Variants in LRIG1 observed in about 807,000 individuals in gnomAD.
LRIG1 encodes the protein leucine rich repeats and immunoglobulin like domains 1, also known as leucine-rich repeats and immunoglobulin-like domains protein 1.
LRIG1 carries 48 observed loss-of-function variants against 99.2 expected under a neutral mutation model. The observed-to-expected ratio is 0.48, with a 90% confidence interval of 0.38 to 0.62. The LOEUF (loss-of-function observed/expected upper bound fraction) is 0.62. LRIG1 is among the 20% of genes least tolerant of loss of function. The pLI, the probability that LRIG1 is intolerant of heterozygous loss-of-function variation, is 0.00. For missense variants in LRIG1, 1,646 were observed against 1,434.4 expected, an observed-to-expected ratio of 1.15 and a Z score of -2.38; for synonymous variants, 772 against 596.1, an observed-to-expected ratio of 1.29 and a Z score of -4.30.
chr3:66,389,193 C>A (rs1336051606), intron 12 of LRIG1, among the ~76,000 whole-genome samples: 2 of 151,830 alleles, frequency 1.3e-5, no homozygotes, highest in African/African-American at 4.8e-5. Flanking sequence ...AATTTTAATT[C>A]CTATGGGCAA....
intron 1 of LRIG1, among the ~76,000 whole-genome samples, chr3:66,484,550 G>C (rs1005316946): frequency 6.6e-6 from 1 of 152,166 alleles, no homozygotes; most frequent in Non-Finnish European, 1.5e-5. Context: ...AGGCGAAGAG[G>C]GAAGACCCAT....
intron 13 of LRIG1, among the ~76,000 whole-genome samples, chr3:66,385,332 CAAAG>C (rs1701320164): frequency 6.6e-6 from 1 of 152,234 alleles, no homozygotes; most frequent in South Asian, 2.1e-4. Context: ...GCCATCTACT[CAAAG>C]AACAGCAGCT....
intron 9 of LRIG1, among the ~76,000 whole-genome samples, chr3:66,399,551 T>A (rs1471312008): frequency 6.6e-6 from 1 of 152,130 alleles, no homozygotes; most frequent in African/African-American, 2.4e-5. Context: ...GGCAGGAGGA[T>A]CACTTGAGCC....
intron 2 of LRIG1, among the ~76,000 whole-genome samples, chr3:66,459,242 G>A (rs1176983872): frequency 6.6e-6 from 1 of 152,164 alleles, no homozygotes; most frequent in African/African-American, 2.4e-5. Flanking sequence ...CTGAGTACAG[G>A]CTGCAGGTCA....
intron 10 of LRIG1, among the ~76,000 whole-genome samples, chr3:66,398,607 G>A (rs1342846964): frequency 6.6e-6 from 1 of 152,230 alleles, no homozygotes; most frequent in Non-Finnish European, 1.5e-5. Flanking sequence ...TTGTTAAGCT[G>A]CTTTAATGGA....
chr3:66,448,001 C>G (rs1262755162), intron 3 of LRIG1, among the ~76,000 whole-genome samples: 1 of 152,224 alleles, frequency 6.6e-6, no homozygotes, highest in Non-Finnish European at 1.5e-5. Flanking sequence ...AGCTCCCTCA[C>G]CGGAACCCAT....
chr3:66,442,357 C>G (rs1038511943), intron 3 of LRIG1, among the ~76,000 whole-genome samples: 2 of 152,164 alleles, frequency 1.3e-5, no homozygotes, highest in African/African-American at 4.8e-5. Context: ...AGGTCAAAGT[C>G]AAGCCAGCCA....
Position 66,491,626 on chromosome 3 carries a change from C to T in LRIG1, c.218+8564G>A, listed in dbSNP as rs1701103450. Among the ~76,000 whole-genome samples the T allele has an allele frequency of 2.6e-5, 4 of 152,070 alleles. 1 individual carries two copies. In the South Asian group the frequency reaches 8.3e-4, roughly 32 times the overall value. On this transcript the variant is annotated intron_variant, in intron 1 of 18. Coordinates refer to ENST00000273261, the MANE Select transcript of LRIG1 (RefSeq NM_015541.3). ...AAAACTTCCAATTTCTTAAAACCAC[C>T]CTACAGTAAATAGTATGGTATATAA... is the stretch of plus-strand genomic sequence containing the variant.
intron 2 of LRIG1, among the ~76,000 whole-genome samples, chr3:66,458,687 G>GA (rs1304696013): frequency 6.6e-6 from 1 of 151,852 alleles, no homozygotes; most frequent in Non-Finnish European, 1.5e-5. Flanking sequence ...CGGTGACAGA[G>GA]CAACACTCCA....
chr3:66,382,531 G>C (rs1701139567), intron 15 of LRIG1, 133 bp from the exon 16 acceptor site: 7 of 1,026,262 alleles, frequency 6.8e-6, no homozygotes, highest in Non-Finnish European at 8.9e-6. Context: ...ATGACATGGA[G>C]TCCATGTACG....
chr3:66,398,049 G>T, intron 11 of LRIG1, 63 bp downstream of exon 11: 1 of 1,335,068 alleles, frequency 7.5e-7, no homozygotes, highest in East Asian at 2.3e-5. Context: ...TGCAATTGCA[G>T]AAGTTTCTTA....
At chr3:66,469,171 T>C (rs929348296) in intron 1 of LRIG1, 2 of 152,190 alleles carry the variant, frequency 1.3e-5, no homozygotes, top group African/African-American at 4.8e-5. Context: ...CTCTCTTCAG[T>C]AAGCTAAGCA....
rs541925435 is a variant in LRIG1 at position 66,380,342 on chromosome 3, G to C, written c.3203C>G (p.Ala1068Gly). The C allele has an allele frequency of 2.5e-5, 40 of 1,614,208 alleles. No individual in the cohort carries two copies. In the South Asian group the frequency reaches 3.8e-4, roughly 16 times the overall value. ...TGTCAGTGGCGTGGACTCGGGACTGGCGTCACATGCTTTGGGGAGGTGGCC... is the reference window on the plus strand; with the variant it reads ...TGTCAGTGGCGTGGACTCGGGACTGCCGTCACATGCTTTGGGGAGGTGGCC... Reference protein sequence around the residue: ...SNGHLPKACDASPESTPLTGQ... With the variant: ...SNGHLPKACDGSPESTPLTGQ... The change falls in exon 19 of 19, where the codon GCC (alanine) becomes GGC (glycine). Residue 1068 changes from alanine to glycine, a missense_variant. Ala to Gly is a moderately conservative substitution (Grantham distance 60, BLOSUM62 0). Transcript: ENST00000273261.
intron 1 of LRIG1, among the ~76,000 whole-genome samples, chr3:66,488,075 T>C (rs906958427): frequency 1.3e-5 from 2 of 151,716 alleles, no homozygotes; most frequent in Non-Finnish European, 2.9e-5. Context: ...AAAGAATGAG[T>C]GGAAGGAAAA....
chr3:66,436,214 G>A (rs541819972), intron 3 of LRIG1, among the ~76,000 whole-genome samples: 5 of 152,170 alleles, frequency 3.3e-5, no homozygotes, highest in African/African-American at 9.7e-5. Context: ...CAAGGAAGAC[G>A]TGCCAGACGT....
At position 66,407,695 on chromosome 3, in the gene LRIG1, A is replaced by C. The variant is rs80244881; in HGVS notation, c.936-204T>G. On this transcript the variant is annotated intron_variant, in intron 7 of 18. Coordinates refer to ENST00000273261, the MANE Select transcript of LRIG1 (RefSeq NM_015541.3). ...TGCAGCTAGAAACTCATCAGTGCCC[A>C]ACACACTAGTCTGACTCGTAGAATG... 6.6e-3 allele frequency among the ~76,000 whole-genome samples: 1,000 copies of C among 152,320 alleles called. 11 individuals are homozygous for C. The highest frequency in any genetic ancestry group is 0.022 in the African/African-American group (915 of 41,580).
chr3:66,501,001 G>A lies in LRIG1; in HGVS notation c.-594C>T, dbSNP rs1701348212. The A allele has an allele frequency of 6.6e-6, 1 of 152,384 alleles. No individual in the cohort carries two copies. Among genetic ancestry groups the A allele is most frequent in the Non-Finnish European group, 1.5e-5 (1 of 68,282 alleles). 9.4% of individuals were successfully genotyped at this position (152,384 alleles called of 1,614,324 possible). A position where few individuals can be genotyped will look rare whatever the true frequency, so the allele number is the denominator to read the frequency against. The stretch of plus-strand genomic sequence containing the variant: ...CAGCAAGAGTCCCGCCGACCTCGCA[G>A]CCGAACAATCAGCCGCTTGCTGTTC... On this transcript the variant is annotated 5_prime_UTR_variant, in exon 1 of 19. Coordinates refer to ENST00000273261, the MANE Select transcript of LRIG1 (RefSeq NM_015541.3).
chr3:66,439,314 ACT>A (rs1202322623), intron 3 of LRIG1, among the ~76,000 whole-genome samples: 1 of 152,236 alleles, frequency 6.6e-6, no homozygotes, highest in Non-Finnish European at 1.5e-5. Context: ...GCTGATAACC[ACT>A]GTTTTTCCCC....
chr3:66,427,813 A>C (rs1703032278), intron 3 of LRIG1, among the ~76,000 whole-genome samples: 1 of 152,100 alleles, frequency 6.6e-6, no homozygotes, highest in Admixed American at 6.5e-5. Flanking sequence ...ATTCCTCCCA[A>C]AGGAAACCTC....
Sources: allele counts gnomAD v4.1 joint callset (sites outside exome capture counted in the v4.1 genomes callset), GRCh38; gene constraint gnomAD v4.1.1; transcripts MANE v1.5; gene names NCBI Gene and HGNC (gene_info 2026-07-23, HGNC 2026-07-21).